The following ZSWIM6 variants were observed in gnomAD, a reference collection of about 807,000 sequenced individuals.
ZSWIM6 encodes zinc finger SWIM domain-containing protein 6.
A neutral mutation model predicts 113.2 loss-of-function variants in ZSWIM6; 9 were observed. The observed-to-expected ratio is 0.08, with a 90% CI of 0.05 to 0.14. The LOEUF is 0.14. ZSWIM6 is among the 10% of genes least tolerant of loss of function. The probability of loss-of-function intolerance (pLI) is 1.00; values close to 1 mark genes in which losing one functional copy is unlikely to be tolerated. For synonymous variants in ZSWIM6, 611 were observed against 606.5 expected (o/e 1.01, Z -0.11); for missense variants, 1,162 against 1,552.2 (o/e 0.75, Z 4.22).
intron 3 of ZSWIM6, among the ~76,000 whole-genome samples, chr5:61,492,638 T>A (rs572641140): frequency 6.6e-6 from 1 of 152,288 alleles, no homozygotes; most frequent in Non-Finnish European, 1.5e-5. Context: ...CATCTTCACC[T>A]GTTAATGAGT....
At chr5:61,421,127 C>T (rs1400249654) in intron 1 of ZSWIM6, among the ~76,000 whole-genome samples, 1 of 151,974 alleles carries the variant, frequency 6.6e-6, no homozygotes, top group Non-Finnish European at 1.5e-5. Context: ...GCCACGATGC[C>T]CAGGCTGGTC....
At chr5:61,382,632 C>T (rs968320274) in intron 1 of ZSWIM6, among the ~76,000 whole-genome samples, 1 of 151,798 alleles carries the variant, frequency 6.6e-6, no homozygotes, top group African/African-American at 2.4e-5. Flanking sequence ...GGTGAAACCC[C>T]CCTCTACTAA....
At chr5:61,476,525 A>G (rs1747710038) in intron 2 of ZSWIM6, among the ~76,000 whole-genome samples, 1 of 151,902 alleles carries the variant, frequency 6.6e-6, no homozygotes, top group South Asian at 2.1e-4. Flanking sequence ...ACTACATGCT[A>G]AAAGAGGCTG....
At chr5:61,360,173 G>A (rs1231022406) in intron 1 of ZSWIM6, among the ~76,000 whole-genome samples, 2 of 152,224 alleles carry the variant, frequency 1.3e-5, no homozygotes, top group Non-Finnish European at 2.9e-5. Context: ...CACCACAGAT[G>A]ATGATGGAGC....
At chr5:61,489,018 G>A (rs1282077644) in intron 2 of ZSWIM6, among the ~76,000 whole-genome samples, 2 of 151,920 alleles carry the variant, frequency 1.3e-5, no homozygotes, top group African/African-American at 2.4e-5. Context: ...TGCCAACCAA[G>A]GCACTCAGTC....
chr5:61,411,559 G>A (rs1466634371), intron 1 of ZSWIM6, among the ~76,000 whole-genome samples: 5 of 152,162 alleles, frequency 3.3e-5, no homozygotes, highest in Admixed American at 3.3e-4. Context: ...TCTTCAATGT[G>A]TTAATCCACT....
At chr5:61,367,331 C>T (rs1267449419) in intron 1 of ZSWIM6, among the ~76,000 whole-genome samples, 1 of 152,140 alleles carries the variant, frequency 6.6e-6, no homozygotes, top group Non-Finnish European at 1.5e-5. Flanking sequence ...TTATAGCTCA[C>T]TGCAGCCTTG....
chr5:61,511,825 G>A (rs1167790926), intron 4 of ZSWIM6, among the ~76,000 whole-genome samples: 2 of 152,104 alleles, frequency 1.3e-5, no homozygotes, highest in Non-Finnish European at 2.9e-5. Context: ...TAGTAATTCT[G>A]ACTGTGAAGG....
chr5:61,457,251 A>G (rs1747222365), intron 1 of ZSWIM6, among the ~76,000 whole-genome samples: 1 of 152,238 alleles, frequency 6.6e-6, no homozygotes. Context: ...TACTGTGCCA[A>G]AGAAATTAGT....
At position 61,378,232 on chromosome 5, in the gene ZSWIM6, A is replaced by G. The variant is rs572760978; in HGVS notation, c.676+45284A>G. Among the ~76,000 whole-genome samples, 11 of 152,368 alleles carry G rather than the reference A, an allele frequency of 7.2e-5. No homozygotes were observed. The South Asian group carries it at 2.3e-3, about 32-fold the overall frequency. Reference sequence around the variant, plus strand: ...CATTTATAGTAGCAAAACACTGGAAACAAGCTAAATGTTCATTATAGAAGA... The same window carrying G: ...CATTTATAGTAGCAAAACACTGGAAGCAAGCTAAATGTTCATTATAGAAGA... On this transcript the variant is annotated intron_variant, in intron 1 of 13. Coordinates refer to ENST00000252744, the MANE Select transcript of ZSWIM6 (RefSeq NM_020928.2).
At chr5:61,408,800 G>A (rs1462055013) in intron 1 of ZSWIM6, among the ~76,000 whole-genome samples, 4 of 152,350 alleles carry the variant, frequency 2.6e-5, no homozygotes, top group Admixed American at 6.5e-5. Flanking sequence ...CCCACCAGTG[G>A]GTTTGTCTGA....
At chr5:61,465,479 C>T (rs1044910541) in intron 1 of ZSWIM6, among the ~76,000 whole-genome samples, 30 of 151,008 alleles carry the variant, frequency 2.0e-4, no homozygotes, top group African/African-American at 5.6e-4. Flanking sequence ...TTCTAGGTGC[C>T]CACTGCAGAT....
rs1580077170 is a variant in ZSWIM6 at position 61,544,217 on chromosome 5, A to G, written c.3548A>G (p.His1183Arg). Residue 1183 changes from histidine (H) to arginine (R), a missense_variant, in exon 14 of 14, where the codon CAT becomes CGT. Physicochemically the swap from His to Arg is conservative, Grantham distance 29. Around this residue, in one of 4 missense-constraint regions of ZSWIM6, gnomAD observed 113 missense variants for 213.8 expected, o/e 0.53. Coordinates refer to ENST00000252744, the MANE Select transcript of ZSWIM6 (RefSeq NM_020928.2). ...SKARETFLMA[H>R]DGHIQFTQFI... ...GCCCGAGAGACCTTCTTAATGGCGC[A>G]TGATGGACACATTCAGTTTACACAG... is the stretch of plus-strand genomic sequence containing the variant. 5.2e-6 allele frequency: 8 copies of G among 1,551,610 alleles called. No individual in the cohort carries two copies. Among genetic ancestry groups the G allele is most frequent in the Non-Finnish European group, 7.0e-6 (8 of 1,146,966 alleles).
chr5:61,425,138 C>G (rs1354176939), intron 1 of ZSWIM6, among the ~76,000 whole-genome samples: 1 of 152,072 alleles, frequency 6.6e-6, no homozygotes, highest in Non-Finnish European at 1.5e-5. Context: ...TTATCAAAAC[C>G]AAGACCATTG....
At chr5:61,493,825 CA>C (rs1297645038) in intron 3 of ZSWIM6, among the ~76,000 whole-genome samples, 4 of 152,068 alleles carry the variant, frequency 2.6e-5, no homozygotes, top group Non-Finnish European at 5.9e-5. Flanking sequence ...TCTTGAATCA[CA>C]AAGTGTACTT....
chr5:61,332,541 C>T lies in ZSWIM6; in HGVS notation c.269C>T (p.Pro90Leu), dbSNP rs1412871150. Reference protein sequence around the residue: ...IAARRVAEKWPFQRVEERFER... With the variant: ...IAARRVAEKWLFQRVEERFER... Reference sequence around the variant, plus strand: ...GCGCGCAGGGTGGCGGAGAAGTGGCCGTTCCAGCGCGTGGAGGAGCGCTTT... The same window carrying T: ...GCGCGCAGGGTGGCGGAGAAGTGGCTGTTCCAGCGCGTGGAGGAGCGCTTT... Residue 90 changes from proline to leucine, a missense_variant, in exon 1 of 14, where the codon CCG becomes CTG. Coordinates refer to ENST00000252744, the MANE Select transcript of ZSWIM6 (RefSeq NM_020928.2). 2 of 1,349,934 alleles carry T rather than the reference C, an allele frequency of 1.5e-6. No homozygotes were observed. Among genetic ancestry groups the T allele is most frequent in the Non-Finnish European group, 2.0e-6 (2 of 1,023,110 alleles). The allele number at this position is 1,349,934 out of a possible 1,614,324, so 83.6% of individuals were successfully genotyped here. A position where few individuals can be genotyped will look rare whatever the true frequency, so the allele number is the denominator to read the frequency against.
intron 1 of ZSWIM6, among the ~76,000 whole-genome samples, chr5:61,461,101 T>TC (rs746108105): frequency 6.6e-6 from 1 of 152,226 alleles, no homozygotes; most frequent in South Asian, 2.1e-4. Flanking sequence ...TTAAAAAATT[T>TC]CCCCCCAAAT....
chr5:61,463,396 G>T (rs1747357288), intron 1 of ZSWIM6, among the ~76,000 whole-genome samples: 2 of 152,158 alleles, frequency 1.3e-5, no homozygotes, highest in Non-Finnish European at 2.9e-5. Flanking sequence ...GGCTAGAAAA[G>T]ACTTGTTGAG....
intron 1 of ZSWIM6, chr5:61,391,078 G>T: frequency 1.4e-6 from 1 of 739,400 alleles, no homozygotes; most frequent in South Asian, 1.4e-5. Flanking sequence ...GCATGCCACA[G>T]GTAAGGCCAC....
Sources: gnomAD v4.1 joint callset for allele counts (sites outside exome capture counted in the v4.1 genomes callset) on GRCh38, gnomAD v4.1.1 for gene constraint, gnomAD v4.1.1 regional missense constraint, MANE v1.5 for transcripts, NCBI Gene and HGNC (gene_info 2026-07-23, HGNC 2026-07-21) for gene names.